NRIP1: variants seen among roughly 807,000 people sequenced by gnomAD.
The protein encoded by NRIP1 is nuclear receptor interacting protein 1.
Under a neutral mutation model 75.0 loss-of-function variants are expected in NRIP1, and 28 were observed. That is an observed-to-expected ratio of 0.37 (90% CI 0.28 to 0.51). The LOEUF is 0.51. Ranked by LOEUF, NRIP1 falls within the 20% of genes least tolerant of loss-of-function variation. The pLI, the probability that NRIP1 is intolerant of heterozygous loss-of-function variation, is 0.92. For synonymous variants in NRIP1, 526 were observed against 487.6 expected (o/e 1.08, Z -1.04); for missense variants, 1,435 against 1,343.7 (o/e 1.07, Z -1.06).
chr21:15,024,062 T>G (rs1423560394), intron 2 of NRIP1, among the ~76,000 whole-genome samples: 1 of 152,210 alleles, frequency 6.6e-6, no homozygotes, highest in Non-Finnish European at 1.5e-5. Context: ...TCTTTAATAT[T>G]TTTAAAACAA....
At chr21:15,032,994 G>T (rs979029895) in intron 2 of NRIP1, among the ~76,000 whole-genome samples, 1 of 152,158 alleles carries the variant, frequency 6.6e-6, no homozygotes, top group African/African-American at 2.4e-5. Context: ...GGGAGGCCGA[G>T]GTGGGTGGAT....
chr21:15,021,450 G>A (rs2088371636), intron 2 of NRIP1, among the ~76,000 whole-genome samples: 1 of 152,166 alleles, frequency 6.6e-6, no homozygotes, highest in Non-Finnish European at 1.5e-5. Flanking sequence ...ACTCTGTGAA[G>A]ACATGAAAAT....
chr21:15,012,150 C>G (rs1410620545), intron 3 of NRIP1, among the ~76,000 whole-genome samples: 1 of 152,150 alleles, frequency 6.6e-6, no homozygotes, highest in Non-Finnish European at 1.5e-5. Flanking sequence ...ATACTCATCT[C>G]CTGAGATATA....
chr21:14,979,012 T>C (rs1318441074), intron 3 of NRIP1, among the ~76,000 whole-genome samples: 1 of 152,202 alleles, frequency 6.6e-6, no homozygotes, highest in Non-Finnish European at 1.5e-5. Flanking sequence ...CAGAAAACTA[T>C]TACATGACAG....
At chr21:14,981,810 T>C (rs945273767) in intron 3 of NRIP1, among the ~76,000 whole-genome samples, 19 of 152,026 alleles carry the variant, frequency 1.2e-4, no homozygotes, top group African/African-American at 2.4e-4. Context: ...GAATAGTACA[T>C]ATATACTATA....
At chr21:15,064,110 C>G (rs562559873) in intron 1 of NRIP1, among the ~76,000 whole-genome samples, 1 of 152,386 alleles carries the variant, frequency 6.6e-6, no homozygotes, top group East Asian at 1.9e-4. Context: ...GCCTCCCGGA[C>G]TTCCACCGGG....
intron 1 of NRIP1, 124 bp downstream of exon 1, chr21:15,064,613 CCCTCCCCG>C (rs1438814206): frequency 6.6e-6 from 1 of 151,922 alleles, no homozygotes; most frequent in African/African-American, 2.4e-5. Flanking sequence ...CGGAAACGCG[CCCTCCCCG>C]CCGCCCCGAC....
intron 3 of NRIP1, among the ~76,000 whole-genome samples, chr21:15,001,692 A>C (rs1338934041): frequency 2.0e-5 from 3 of 151,524 alleles, no homozygotes; most frequent in African/African-American, 7.3e-5. Flanking sequence ...ATATAGTTCA[A>C]GGTGGTGTAG....
At chr21:15,021,768 C>T (rs1028340861) in intron 2 of NRIP1, among the ~76,000 whole-genome samples, 5 of 151,966 alleles carry the variant, frequency 3.3e-5, no homozygotes, top group African/African-American at 9.7e-5. Flanking sequence ...GACATTCGTG[C>T]GGCCAGCAAA....
chr21:14,991,558 A>C (rs1389140468), intron 3 of NRIP1, among the ~76,000 whole-genome samples: 2 of 152,046 alleles, frequency 1.3e-5, no homozygotes, highest in Non-Finnish European at 2.9e-5. Context: ...AGGCAGAAGC[A>C]TGCATTTCCA....
chr21:15,030,905 C>T (rs111830487), intron 2 of NRIP1, among the ~76,000 whole-genome samples: 5,961 of 73,636 alleles, frequency 0.081, 270 homozygotes, highest in African/African-American at 0.22. Flanking sequence ...GGAGGATCAC[C>T]ACATTCCCTT....
chr21:15,037,420 T>C (rs1056804941), intron 2 of NRIP1, among the ~76,000 whole-genome samples: 2 of 152,198 alleles, frequency 1.3e-5, no homozygotes, highest in African/African-American at 4.8e-5. Flanking sequence ...TCACCCTATA[T>C]GTGGGAGGCA....
intron 3 of NRIP1, among the ~76,000 whole-genome samples, chr21:14,973,394 A>G (rs1265534962): frequency 6.6e-6 from 1 of 152,156 alleles, no homozygotes; most frequent in African/African-American, 2.4e-5. Context: ...GCCTTTAAAC[A>G]TTAGGTTGGT....
At chr21:15,030,179 T>C (rs1243434989) in intron 2 of NRIP1, among the ~76,000 whole-genome samples, 1 of 152,222 alleles carries the variant, frequency 6.6e-6, no homozygotes, top group Admixed American at 6.5e-5. Context: ...TCACTCAAGA[T>C]GGCAGAGTAG....
chr21:15,012,447 CTTTT>C (rs869160226), intron 3 of NRIP1, among the ~76,000 whole-genome samples: 44 of 79,376 alleles, frequency 5.5e-4, no homozygotes, highest in African/African-American at 1.4e-3. Context: ...ATTATAATGT[CTTTT>C]TTTTTTTTTT....
intron 3 of NRIP1, among the ~76,000 whole-genome samples, chr21:15,013,814 T>C (rs1022304560): frequency 3.3e-5 from 5 of 152,240 alleles, no homozygotes; most frequent in Admixed American, 2.6e-4. Context: ...AGAGGAATTT[T>C]AATAATTCCA....
At chr21:15,043,224 G>A (rs2088996986) in intron 2 of NRIP1, among the ~76,000 whole-genome samples, 1 of 152,268 alleles carries the variant, frequency 6.6e-6, no homozygotes, top group South Asian at 2.1e-4. Context: ...CTTTAAAATA[G>A]TTCTATAGTA....
intron 1 of NRIP1, among the ~76,000 whole-genome samples, chr21:15,056,196 G>A (rs776399946): frequency 6.6e-5 from 10 of 151,406 alleles, no homozygotes; most frequent in African/African-American, 2.2e-4. Flanking sequence ...CAGAGCAGCC[G>A]TAGCTTTTAT....
At chr21:14,989,454 T>A (rs1021776165) in intron 3 of NRIP1, among the ~76,000 whole-genome samples, 2 of 152,174 alleles carry the variant, frequency 1.3e-5, no homozygotes, top group African/African-American at 4.8e-5. Context: ...GTAGGAAACG[T>A]TGACCAAAAC....
Sources: allele counts gnomAD v4.1 joint callset (sites outside exome capture counted in the v4.1 genomes callset), GRCh38; gene constraint gnomAD v4.1.1; transcripts MANE v1.5; gene names NCBI Gene and HGNC (gene_info 2026-07-23, HGNC 2026-07-21).